Variants in LRP1B observed in about 807,000 individuals in gnomAD.
LRP1B encodes the protein LDL receptor related protein 1B.
A neutral mutation model predicts 556.6 loss-of-function variants in LRP1B; 217 were observed. That is an observed-to-expected ratio of 0.39 (90% CI 0.35 to 0.44). The LOEUF (loss-of-function observed/expected upper bound fraction) is 0.44. Among genes scored for constraint, LRP1B ranks in the 20% least tolerant of loss-of-function variants. The probability of loss-of-function intolerance (pLI) is 1.00; values close to 1 mark genes in which losing one functional copy is unlikely to be tolerated. For missense variants in LRP1B, 5,053 were observed against 5,620.8 expected (o/e 0.90, Z 3.23); for synonymous variants, 2,047 against 1,865.8 (o/e 1.10, Z -2.50).
In LRP1B at chr2:141,045,450, T is replaced by TA. The variant is rs61599256; in HGVS notation, c.1789+3535dup. On this transcript the variant is annotated intron_variant, in intron 11 of 90. Coordinates refer to ENST00000389484, the MANE Select transcript of LRP1B (RefSeq NM_018557.3). ...AAAATAAATAAATTAATTAATTAAT[T>TA]AAAAAAAAAAGAAAGAGCATCTATC... Among the ~76,000 whole-genome samples, 5 of 150,628 alleles carry TA rather than the reference T, an allele frequency of 3.3e-5. No individual in the cohort carries two copies. The South Asian group carries it at 6.3e-4, about 19-fold the overall frequency.
chr2:141,178,381 T>C (rs1680833043), intron 7 of LRP1B, among the ~76,000 whole-genome samples: 1 of 152,094 alleles, frequency 6.6e-6, no homozygotes, highest in African/African-American at 2.4e-5. Flanking sequence ...CCACTGTGAG[T>C]TTCCCAGTCT....
chr2:141,064,576 G>A (rs1161281563), intron 7 of LRP1B, among the ~76,000 whole-genome samples: 1 of 151,942 alleles, frequency 6.6e-6, no homozygotes, highest in African/African-American at 2.4e-5. Context: ...ACTGTGATGA[G>A]CTCTGTTCAC....
intron 72 of LRP1B, among the ~76,000 whole-genome samples, chr2:140,360,075 C>G (rs1682435759): frequency 1.3e-5 from 2 of 151,564 alleles, no homozygotes; most frequent in Admixed American, 6.6e-5. Flanking sequence ...CATATTCCAT[C>G]CTCAGATCCT....
chr2:141,489,522 T>C (rs1388312987), intron 2 of LRP1B, among the ~76,000 whole-genome samples: 1 of 151,978 alleles, frequency 6.6e-6, no homozygotes, highest in African/African-American at 2.4e-5. Context: ...CATCATTTAC[T>C]CAATGTTATT....
intron 2 of LRP1B, among the ~76,000 whole-genome samples, chr2:141,653,245 A>G (rs2105382636): frequency 6.6e-6 from 1 of 152,230 alleles, no homozygotes; most frequent in Admixed American, 6.5e-5. Context: ...GAGCTATGCC[A>G]TTTTTCTCAA....
In LRP1B at chr2:140,600,767, G is replaced by GTTTTTTTTTTTT. The variant is rs61336155; in HGVS notation, c.6989+671_6989+682dup. Among the ~76,000 whole-genome samples, 196 of 56,826 alleles carry GTTTTTTTTTTTT rather than the reference G, an allele frequency of 3.4e-3. 8 individuals are homozygous for GTTTTTTTTTTTT. Among genetic ancestry groups the GTTTTTTTTTTTT allele is most frequent in the Admixed American group, 6.3e-3 (27 of 4,262 alleles). 37.3% of individuals were successfully genotyped at this position (56,826 alleles called of 152,430 possible). ...CCTTACCTGTGCTTTGTTCTTCGGG[G>GTTTTTTTTTTTT]TTTTTTTTTTTTTTTTTTTTTTTTT... is the stretch of plus-strand genomic sequence containing the variant. On this transcript the variant is annotated intron_variant, in intron 42 of 90. Transcript: ENST00000389484.
chr2:141,466,853 CTTTT>C (rs923804690), intron 3 of LRP1B, among the ~76,000 whole-genome samples: 1 of 148,080 alleles, frequency 6.8e-6, no homozygotes, highest in East Asian at 2.0e-4. Flanking sequence ...TGTAAAACTA[CTTTT>C]TTTTTTAATC....
At chr2:140,568,401 A>T (rs1340390701) in intron 43 of LRP1B, among the ~76,000 whole-genome samples, 1 of 152,032 alleles carries the variant, frequency 6.6e-6, no homozygotes, top group African/African-American at 2.4e-5. Context: ...AGAATTTCTT[A>T]ATCTGAAGAT....
intron 32 of LRP1B, among the ~76,000 whole-genome samples, chr2:140,783,731 A>G (rs1014392262): frequency 5.3e-5 from 8 of 152,200 alleles, no homozygotes; most frequent in African/African-American, 1.9e-4. Context: ...AAATAGGAGG[A>G]TTGCTTTAGT....
At chr2:141,181,597 CGT>C (rs1680996363) in intron 7 of LRP1B, among the ~76,000 whole-genome samples, 1 of 151,790 alleles carries the variant, frequency 6.6e-6, no homozygotes, top group Non-Finnish European at 1.5e-5. Context: ...AAATGTGGAA[CGT>C]TTTTGCATTG....
chr2:141,558,996 G>A (rs536759359), intron 2 of LRP1B, among the ~76,000 whole-genome samples: 1 of 151,162 alleles, frequency 6.6e-6, no homozygotes, highest in African/African-American at 2.4e-5. Flanking sequence ...TTTAGCCTTA[G>A]GTTATTAATA....
intron 2 of LRP1B, among the ~76,000 whole-genome samples, chr2:141,666,715 T>TG (rs1173091822): frequency 1.3e-5 from 2 of 152,212 alleles, no homozygotes; most frequent in Non-Finnish European, 2.9e-5. Context: ...AGAGCTCTAC[T>TG]GCCCCTTTTA....
At chr2:140,422,206 G>A (rs111337771) in intron 66 of LRP1B, among the ~76,000 whole-genome samples, 5 of 152,204 alleles carry the variant, frequency 3.3e-5, no homozygotes, top group East Asian at 1.9e-4. Flanking sequence ...AGAGATATTC[G>A]ATCCTTTAAG....
rs1421198992 is a variant in LRP1B at position 141,569,840 on chromosome 2, C to T, written c.206-89307G>A. 2.0e-5 allele frequency among the ~76,000 whole-genome samples: 3 copies of T among 151,034 alleles called. 1 individual carries two copies. Among genetic ancestry groups the T allele is most frequent in the African/African-American group, 7.3e-5 (3 of 41,300 alleles). On this transcript the variant is annotated intron_variant, in intron 2 of 90. Transcript: ENST00000389484. ...CTTTGAAGGACATGTGAGATGAAGG[C>T]ACATCTAAGAAAGCAAGTGAGAAAA...
intron 21 of LRP1B, among the ~76,000 whole-genome samples, chr2:140,920,794 A>ATTT (rs555977552): frequency 1.1e-3 from 174 of 151,946 alleles, no homozygotes; most frequent in African/African-American, 4.0e-3. Flanking sequence ...TTTATCACAG[A>ATTT]TTTTTTTTAC....
At chr2:140,306,331 G>T (rs1229518720) in intron 83 of LRP1B, among the ~76,000 whole-genome samples, 1 of 151,888 alleles carries the variant, frequency 6.6e-6, no homozygotes, top group Non-Finnish European at 1.5e-5. Flanking sequence ...CAATTTCAGA[G>T]CCTGTTATTG....
chr2:140,501,338 C>T (rs1424474413), intron 55 of LRP1B, among the ~76,000 whole-genome samples: 2 of 151,820 alleles, frequency 1.3e-5, no homozygotes, highest in African/African-American at 4.8e-5. Context: ...CGAAGATGTA[C>T]TGAAGAGAGA....
At chr2:140,656,899 C>G (rs1375655119) in intron 41 of LRP1B, among the ~76,000 whole-genome samples, 2 of 152,056 alleles carry the variant, frequency 1.3e-5, no homozygotes, top group Non-Finnish European at 2.9e-5. Context: ...CAATAGCTAA[C>G]TAGGGTCAAT....
intron 5 of LRP1B, among the ~76,000 whole-genome samples, chr2:141,241,414 G>A (rs1265077757): frequency 6.6e-6 from 1 of 152,028 alleles, no homozygotes; most frequent in African/African-American, 2.4e-5. Context: ...TACTAGGATT[G>A]TATGTTTATT....
Sources: allele counts gnomAD v4.1 joint callset (sites outside exome capture counted in the v4.1 genomes callset), GRCh38; gene constraint gnomAD v4.1.1; transcripts MANE v1.5; gene names NCBI Gene and HGNC (gene_info 2026-07-23, HGNC 2026-07-21).